Variants in NISCH observed in about 807,000 individuals in gnomAD.
NISCH encodes nischarin.
NISCH carries 55 observed loss-of-function variants against 138.4 expected under a neutral mutation model. That is an observed-to-expected ratio of 0.40 (90% CI 0.32 to 0.50). NISCH has a LOEUF of 0.50. Ranked by LOEUF, NISCH falls within the 20% of genes least tolerant of loss-of-function variation. NISCH has a pLI of 0.71. For synonymous variants in NISCH, 860 were observed against 861.5 expected (o/e 1.00, Z 0.03); for missense variants, 1,643 against 2,005.5 (o/e 0.82, Z 3.45).
intron 13 of NISCH, chr3:52,481,124 G>A: frequency 7.8e-7 from 1 of 1,282,872 alleles, no homozygotes; most frequent in South Asian, 2.7e-5. Context: ...CCCCACTGGT[G>A]GGGATTTTCT....
In NISCH at chr3:52,477,597, C is replaced by A; in HGVS notation, c.942C>A (p.Phe314Leu). 1 of 1,614,114 alleles carries A rather than the reference C, an allele frequency of 6.2e-7. No individual in the cohort carries two copies. Among genetic ancestry groups the A allele is most frequent in the Non-Finnish European group, 8.5e-7 (1 of 1,179,954 alleles). ...ESVKLIPKIE[F>L]LDLSHNGLLV... ...AGAAACTGATCCCAAAGATTGAGTT[C>A]CTGGACCTGAGTCACAATGGATTGC... The change falls in exon 9 of 21, where the codon TTC becomes TTA. Residue 314 changes from phenylalanine (F) to leucine (L), a missense_variant. Transcript: ENST00000345716.
chr3:52,457,980 A>C, intron 2 of NISCH, 54 bp downstream of exon 2: 1 of 1,360,066 alleles, frequency 7.4e-7, no homozygotes, highest in Non-Finnish European at 1.1e-6. Flanking sequence ...CCCGTAGGCC[A>C]ACTTTCCATT....
chr3:52,476,196 G>C (rs1452307270), intron 7 of NISCH: 1 of 461,368 alleles, frequency 2.2e-6, no homozygotes, highest in Non-Finnish European at 4.0e-6. Context: ...GGCCCTTTGG[G>C]CTTGAAAAGC....
intron 1 of NISCH, 25 bp from the exon 2 acceptor site, chr3:52,457,818 A>G (rs769900815): frequency 2.8e-5 from 44 of 1,578,332 alleles, no homozygotes; most frequent in Non-Finnish European, 3.6e-5. Flanking sequence ...CCCTTGCCAC[A>G]AGGGCTGTTG....
At position 52,477,429 on chromosome 3, in the gene NISCH, A is replaced by G. The variant is rs543934141; in HGVS notation, c.919-145A>G. ...TGTGCTACTGGCTGGGCAGCGGGAG[A>G]TGTCCCACCAGTGGTCCTGCAGGGA... On this transcript the variant is annotated intron_variant, in intron 8 of 20. Transcript: ENST00000345716. 13 of 647,678 alleles carry G rather than the reference A, an allele frequency of 2.0e-5. No homozygotes were observed. The African/African-American group carries it at 2.3e-4, about 12-fold the overall frequency. 40.1% of individuals were successfully genotyped at this position (647,678 alleles called of 1,614,324 possible).
chr3:52,490,634 A>C, intron 18 of NISCH, 71 bp from the exon 19 acceptor site: 5 of 1,603,446 alleles, frequency 3.1e-6, no homozygotes, highest in Non-Finnish European at 4.3e-6. Context: ...TTCCTGCTGG[A>C]TGTGCTGCAC....
intron 2 of NISCH, 132 bp from the exon 3 acceptor site, chr3:52,458,530 C>G: frequency 9.0e-6 from 6 of 667,336 alleles, no homozygotes; most frequent in Non-Finnish European, 1.5e-5. Flanking sequence ...AGTTTGGTCA[C>G]TGATTTTGGT....
chr3:52,462,189 A>G (rs1044377282), intron 3 of NISCH, among the ~76,000 whole-genome samples: 1 of 152,246 alleles, frequency 6.6e-6, no homozygotes, highest in African/African-American at 2.4e-5. Flanking sequence ...TATAAATCCT[A>G]GGATTTAAAA....
At chr3:52,490,593 G>C in intron 18 of NISCH, 112 bp from the exon 19 acceptor site, 1 of 1,445,054 alleles carries the variant, frequency 6.9e-7, no homozygotes, top group Non-Finnish European at 9.6e-7. Flanking sequence ...GGCTTTGCAC[G>C]GGTGGAAGCC....
Position 52,491,747 on chromosome 3 carries a change from A to C in NISCH, c.3905-125A>C. On this transcript the variant is annotated intron_variant, in intron 20 of 20. Coordinates refer to ENST00000345716, the MANE Select transcript of NISCH (RefSeq NM_007184.4). ...TTTGGGCTCCTGGCCTGTGGGCCCC[A>C]CACTTGGAGCATCCTCTCCTGCCTG... 4 of 1,320,384 alleles carry C rather than the reference A, an allele frequency of 3.0e-6. No individual in the cohort carries two copies. In the South Asian group the frequency reaches 5.7e-5, roughly 19 times the overall value. 81.8% of individuals were successfully genotyped at this position (1,320,384 alleles called of 1,614,324 possible). A position where few individuals can be genotyped will look rare whatever the true frequency, so the allele number is the denominator to read the frequency against.
At chr3:52,469,483 G>A (rs937273386) in intron 3 of NISCH, among the ~76,000 whole-genome samples, 4 of 152,210 alleles carry the variant, frequency 2.6e-5, no homozygotes, top group Admixed American at 6.5e-5. Flanking sequence ...AGAAGCTTCC[G>A]TTGCTGGGTG....
At chr3:52,464,670 G>T (rs1043946712) in intron 3 of NISCH, among the ~76,000 whole-genome samples, 1 of 151,566 alleles carries the variant, frequency 6.6e-6, no homozygotes, top group East Asian at 2.0e-4. Context: ...GACTACAGGC[G>T]TACGCAACCA....
intron 17 of NISCH, 155 bp downstream of exon 17, chr3:52,489,833 C>T: frequency 7.4e-7 from 1 of 1,350,006 alleles, no homozygotes; most frequent in Non-Finnish European, 9.8e-7. Flanking sequence ...CAGTGAGGTC[C>T]TGAGTTGCCC....
intron 3 of NISCH, among the ~76,000 whole-genome samples, chr3:52,460,568 AT>A (rs1376036716): frequency 6.6e-6 from 1 of 152,024 alleles, no homozygotes; most frequent in East Asian, 1.9e-4. Context: ...CACCCAGCTA[AT>A]TTTAAAAATT....
intron 14 of NISCH, 125 bp from the exon 15 acceptor site, chr3:52,485,653 G>C: frequency 9.5e-7 from 1 of 1,047,414 alleles, no homozygotes; most frequent in Non-Finnish European, 1.4e-6. Flanking sequence ...GGTACAGCGT[G>C]GGGATGGGGA....
chr3:52,472,414 G>A lies in NISCH; in HGVS notation c.669+16G>A, dbSNP rs907593668. 5 of 1,599,892 alleles carry A rather than the reference G, an allele frequency of 3.1e-6. No homozygotes were observed. The Admixed American group carries it at 8.3e-5, about 27-fold the overall frequency. On this transcript the variant is annotated intron_variant, in intron 6 of 20. Transcript: ENST00000345716. Reference sequence around the variant, plus strand: ...TCAGGTGGAGGTAAGGCCCAGCGCTGCACAGCATCCTCTCGCTCCCAACTC... The same window carrying A: ...TCAGGTGGAGGTAAGGCCCAGCGCTACACAGCATCCTCTCGCTCCCAACTC...
intron 3 of NISCH, among the ~76,000 whole-genome samples, chr3:52,462,205 A>G (rs559686214): frequency 1.5e-4 from 23 of 152,362 alleles, no homozygotes; most frequent in African/African-American, 4.6e-4. Flanking sequence ...TAAAAAAGCA[A>G]TTGAACCCAT....
chr3:52,464,125 G>A (rs879339411), intron 3 of NISCH, among the ~76,000 whole-genome samples: 4 of 151,824 alleles, frequency 2.6e-5, no homozygotes, highest in East Asian at 3.9e-4. Context: ...GGCCGGGCGC[G>A]GGTGGCTCAT....
Position 52,481,607 on chromosome 3 carries a change from C to T in NISCH, c.1528+1312C>T, listed in dbSNP as rs139660510. 307 of 985,694 alleles carry T rather than the reference C, an allele frequency of 3.1e-4. 2 individuals are homozygous for T. The African/African-American group carries it at 4.7e-3, about 15-fold the overall frequency. The allele number at this position is 985,694 out of a possible 1,614,324, so 61.1% of individuals were successfully genotyped here. ...GGGAGCTGCATCTGCTTCTCAAGGC[C>T]AGGGACACAGCCATTTCTGCCAGCA... On this transcript the variant is annotated intron_variant, in intron 13 of 20. Coordinates refer to ENST00000345716, the MANE Select transcript of NISCH (RefSeq NM_007184.4).
Sources: allele counts gnomAD v4.1 joint callset (sites outside exome capture counted in the v4.1 genomes callset), GRCh38; gene constraint gnomAD v4.1.1; transcripts MANE v1.5; gene names NCBI Gene and HGNC (gene_info 2026-07-23, HGNC 2026-07-21).